ZNF66: variants seen among roughly 807,000 people sequenced by gnomAD.
ZNF66 encodes the protein zinc finger protein 66, also known as putative zinc finger protein 66.
Under a neutral mutation model 35.2 loss-of-function variants are expected in ZNF66, and 32 were observed. That is an observed-to-expected ratio of 0.91 (90% CI 0.69 to 1.22). The LOEUF (loss-of-function observed/expected upper bound fraction) is 1.22. ZNF66 is among the 50% of genes most tolerant of loss of function. ZNF66 has a pLI of 0.00. For missense variants in ZNF66, 666 were observed against 543.1 expected (o/e 1.23, Z -2.25); for synonymous variants, 231 against 181.3 (o/e 1.27, Z -2.20).
Position 20,806,151 on chromosome 19 carries a change from G to T in ZNF66, c.551G>T (p.Arg184Leu), listed in dbSNP as rs762568324. The change falls in exon 4 of 4, where the codon CGG (arginine) becomes CTG (leucine). Residue 184 changes from arginine to leucine, a missense_variant. Transcript: ENST00000344519. ...ACAGAATGTGGCAAAGCTTTTAACC[G>T]GTCCTCAACCTTTACTACACATAAG... ...KFTECGKAFN[R>L]SSTFTTHKKI... 8.5e-7 allele frequency: 1 copy of T among 1,171,514 alleles called. No homozygotes were observed. Among genetic ancestry groups the T allele is most frequent in the South Asian group, 1.2e-5 (1 of 80,916 alleles). The allele number at this position is 1,171,514 out of a possible 1,614,324, so 72.6% of individuals were successfully genotyped here. A position where few individuals can be genotyped will look rare whatever the true frequency, so the allele number is the denominator to read the frequency against.
In ZNF66 at chr19:20,806,317, C is replaced by T; in HGVS notation, c.717C>T (p.Asn239=). The change falls in exon 4 of 4, where the codon AAC becomes AAT. Residue 239 remains asparagine, a synonymous_variant. Coordinates refer to ENST00000344519, the MANE Select transcript of ZNF66 (RefSeq NM_001355197.2). ...YKCEDCGKAF[N]RSSNLTTHKK... ...GTGAAGACTGTGGCAAAGCCTTTAA[C>T]CGCTCCTCTAACCTTACTACACATA... The T allele has an allele frequency of 6.6e-7, 1 of 1,514,616 alleles. No homozygotes were observed. The highest frequency in any genetic ancestry group is 9.2e-7 in the Non-Finnish European group (1 of 1,091,564). 93.8% of individuals were successfully genotyped at this position (1,514,616 alleles called of 1,614,324 possible). A position where few individuals can be genotyped will look rare whatever the true frequency, so the allele number is the denominator to read the frequency against.
chr19:20,800,121 A>T (rs12976450), intron 3 of ZNF66, among the ~76,000 whole-genome samples: 56,513 of 151,962 alleles, frequency 0.37, 11,208 homozygotes, highest in East Asian at 0.45. Flanking sequence ...GGCTCAAGTG[A>T]TCCTTTCACC....
intron 3 of ZNF66, among the ~76,000 whole-genome samples, chr19:20,803,101 CTT>C (rs895602974): frequency 1.9e-4 from 29 of 151,812 alleles, no homozygotes; most frequent in Admixed American, 7.2e-4. Context: ...CACTTTCAGT[CTT>C]TTTTTATCAT....
At chr19:20,794,626 T>C (rs1205553269) in intron 3 of ZNF66, 1 of 151,750 alleles carries the variant, frequency 6.6e-6, no homozygotes, top group Non-Finnish European at 1.5e-5. Flanking sequence ...TTTATTTTGT[T>C]ATTGTAAACT....
chr19:20,807,310 G>T lies in ZNF66; in HGVS notation c.1710G>T (p.Val570=). 1.5e-6 allele frequency: 1 copy of T among 650,610 alleles called. No homozygotes were observed. The highest frequency in any genetic ancestry group is 1.9e-5 in the South Asian group (1 of 51,904). The allele number at this position is 650,610 out of a possible 1,614,324, so 40.3% of individuals were successfully genotyped here. The change falls in exon 4 of 4, where the codon GTG becomes GTT. Residue 570 remains valine, a synonymous_variant. Coordinates refer to ENST00000344519, the MANE Select transcript of ZNF66 (RefSeq NM_001355197.2). ...GGAATCCCTACAAATGTGAAAATGT[G>T]GCAAAGCCTTAGACACTCCTCTACC... is the stretch of plus-strand genomic sequence containing the variant. ...MGGNPYKCEN[V]AKP
intron 1 of ZNF66, 118 bp from the exon 2 acceptor site, chr19:20,792,394 C>T (rs976339456): frequency 1.1e-6 from 1 of 903,884 alleles, no homozygotes; most frequent in Non-Finnish European, 1.6e-6. Flanking sequence ...TATAGGATAA[C>T]TTTAGTCAGT....
intron 3 of ZNF66, chr19:20,799,216 A>G (rs1971425788): frequency 1.3e-5 from 2 of 151,716 alleles, no homozygotes; most frequent in South Asian, 4.2e-4. Context: ...TGCACGTCAC[A>G]TCGCCAAGGT....
At chr19:20,788,087 C>T (rs1172052093) in intron 1 of ZNF66, among the ~76,000 whole-genome samples, 1 of 152,194 alleles carries the variant, frequency 6.6e-6, no homozygotes, top group Non-Finnish European at 1.5e-5. Flanking sequence ...TCCCCTCATA[C>T]AAGAGGTATC....
intron 3 of ZNF66, among the ~76,000 whole-genome samples, chr19:20,803,625 A>T (rs1010220845): frequency 6.6e-6 from 1 of 152,092 alleles, no homozygotes; most frequent in African/African-American, 2.4e-5. Flanking sequence ...TTTCTGCACC[A>T]TTATGATAAT....
At chr19:20,795,947 C>T (rs1195746404) in intron 3 of ZNF66, among the ~76,000 whole-genome samples, 1 of 152,088 alleles carries the variant, frequency 6.6e-6, no homozygotes, top group Non-Finnish European at 1.5e-5. Flanking sequence ...AGTAGGGGTC[C>T]TGCAGTTTCC....
At chr19:20,782,490 A>T (rs1165292364) in intron 1 of ZNF66, among the ~76,000 whole-genome samples, 1 of 152,240 alleles carries the variant, frequency 6.6e-6, no homozygotes, top group East Asian at 1.9e-4. Context: ...CACTCCCACC[A>T]GAAGAGTATA....
rs532182875 is a variant in ZNF66 at position 20,808,049 on chromosome 19, C to G, written c.*727C>G. Among the ~76,000 whole-genome samples, 1 of 152,322 alleles carries G rather than the reference C, an allele frequency of 6.6e-6. No homozygotes were observed. The highest frequency in any genetic ancestry group is 1.9e-4 in the East Asian group (1 of 5,178). On this transcript the variant is annotated 3_prime_UTR_variant, in exon 4 of 4. Transcript: ENST00000344519. ...TCCAATGGGCTTAAAAAATGGCACA[C>G]CAGATTATATCCTGCAGCTGGCTCA...
intron 1 of ZNF66, among the ~76,000 whole-genome samples, chr19:20,781,865 C>T (rs576450760): frequency 7.3e-5 from 11 of 150,450 alleles, no homozygotes; most frequent in South Asian, 6.3e-4. Flanking sequence ...TTGCAAAGGA[C>T]GTGATTTTTT....
intron 3 of ZNF66, among the ~76,000 whole-genome samples, chr19:20,798,390 A>G (rs946078156): frequency 1.3e-5 from 2 of 151,878 alleles, no homozygotes; most frequent in African/African-American, 4.8e-5. Flanking sequence ...CTGGAGCCCA[A>G]AAGTTTGAGA....
At chr19:20,802,539 TC>T in intron 3 of ZNF66, among the ~76,000 whole-genome samples, 1 of 152,306 alleles carries the variant, frequency 6.6e-6, no homozygotes. Context: ...TCCATTTTTG[TC>T]ATAGAAAGTA....
Position 20,805,814 on chromosome 19 carries a change from T to C in ZNF66, c.227-13T>C, listed in dbSNP as rs1221418327. The C allele has an allele frequency of 3.6e-6, 2 of 555,048 alleles. No homozygotes were observed. The highest frequency in any genetic ancestry group is 6.5e-6 in the Non-Finnish European group (2 of 307,670). 34.4% of individuals were successfully genotyped at this position (555,048 alleles called of 1,614,324 possible). A position where few individuals can be genotyped will look rare whatever the true frequency, so the allele number is the denominator to read the frequency against. On this transcript the variant is annotated splice_polypyrimidine_tract_variant and intron_variant, in intron 3 of 3. Coordinates refer to ENST00000344519, the MANE Select transcript of ZNF66 (RefSeq NM_001355197.2). ...TAGCAAGTGAAGTAGTGTGTTTTTATGGTTTCTTTCAGTTTTGTGTTCTCA... is the reference window on the plus strand; with the variant it reads ...TAGCAAGTGAAGTAGTGTGTTTTTACGGTTTCTTTCAGTTTTGTGTTCTCA...
In ZNF66 at chr19:20,807,221, A is replaced by T. The variant is rs759775378; in HGVS notation, c.1621A>T (p.Lys541Ter). The change falls in exon 4 of 4, where the codon AAA becomes TAA. Residue 541 changes from lysine to a stop codon, truncating the protein, a stop_gained. Coordinates refer to ENST00000344519, the MANE Select transcript of ZNF66 (RefSeq NM_001355197.2). LOFTEE classifies it high-confidence loss of function. ...TGGAGGGAAACCACACAAGTGCAAT[A>T]AATGTGGCAAAGCCTTTATTTCATC... ...HTGGKPHKCN[K>*]CGKAFISSSN... 3 of 625,344 alleles carry T rather than the reference A, an allele frequency of 4.8e-6. No homozygotes were observed. In the Admixed American group the frequency reaches 7.6e-5, roughly 16 times the overall value. 38.7% of individuals were successfully genotyped at this position (625,344 alleles called of 1,614,324 possible).
intron 1 of ZNF66, among the ~76,000 whole-genome samples, chr19:20,788,431 C>T (rs757341592): frequency 6.6e-5 from 10 of 152,006 alleles, no homozygotes; most frequent in South Asian, 4.1e-4. Context: ...TATTTTGAGA[C>T]GGAGTCTGTG....
chr19:20,808,621 C>T lies in ZNF66; in HGVS notation c.*1299C>T, dbSNP rs1440450418. On this transcript the variant is annotated 3_prime_UTR_variant, in exon 4 of 4. Coordinates refer to ENST00000344519, the MANE Select transcript of ZNF66 (RefSeq NM_001355197.2). The stretch of plus-strand genomic sequence containing the variant: ...GGACCTCTAGCAAACTCCAACAGAC[C>T]TGCAGCTGAGGGTCCTGTCTGTTAG... 6.6e-6 allele frequency among the ~76,000 whole-genome samples: 1 copy of T among 152,156 alleles called. No homozygotes were observed. Among genetic ancestry groups the T allele is most frequent in the African/African-American group, 2.4e-5 (1 of 41,442 alleles).
Sources: allele counts gnomAD v4.1 joint callset (sites outside exome capture counted in the v4.1 genomes callset), GRCh38; gene constraint gnomAD v4.1.1; transcripts MANE v1.5; gene names NCBI Gene and HGNC (gene_info 2026-07-23, HGNC 2026-07-21).